Variants in C8A observed in about 807,000 individuals in gnomAD.
C8A encodes complement component C8 alpha chain.
In C8A, 67 loss-of-function variants were observed where a neutral mutation model predicts 65.3. The ratio of observed to expected loss-of-function variants is 1.03; its 90% CI spans 0.84 to 1.26. The LOEUF is 1.26. Ranked by LOEUF, C8A falls within the 50% of genes most tolerant of loss-of-function variation. The pLI is 0.00. For missense variants in C8A, 781 were observed against 723.9 expected (o/e 1.08, Z -0.90); for synonymous variants, 290 against 259.4 (o/e 1.12, Z -1.13).
Position 56,876,094 on chromosome 1 carries a change from G to C in C8A, c.349G>C (p.Gly117Arg). The change falls in exon 4 of 11, where the codon GGA (glycine) becomes CGA (arginine). Residue 117 changes from glycine to arginine, a missense_variant. Gly to Arg is a moderately radical substitution (Grantham distance 125). Transcript: ENST00000361249. Reference sequence around the variant, plus strand: ...CCTGAAACGCCACCTTGTGTGTAATGGAGACCAGGACTGCCTTGATGGCTC... The same window carrying C: ...CCTGAAACGCCACCTTGTGTGTAATCGAGACCAGGACTGCCTTGATGGCTC... ...RCLKRHLVCNGDQDCLDGSDE... is the reference protein window; with the variant it reads ...RCLKRHLVCNRDQDCLDGSDE... 1 of 1,613,788 alleles carries C rather than the reference G, an allele frequency of 6.2e-7. No homozygotes were observed.
intron 2 of C8A, among the ~76,000 whole-genome samples, chr1:56,870,725 T>C (rs569352213): frequency 6.6e-6 from 1 of 152,274 alleles, no homozygotes; most frequent in South Asian, 2.1e-4. Flanking sequence ...CACAAGACAA[T>C]GACTTGCAGT....
chr1:56,872,536 AG>A (rs1210655769), intron 2 of C8A, among the ~76,000 whole-genome samples: 1 of 152,182 alleles, frequency 6.6e-6, no homozygotes, highest in Non-Finnish European at 1.5e-5. Flanking sequence ...TCAAACCTTT[AG>A]GGTATGAATT....
In C8A at chr1:56,887,848, C is replaced by T. The variant is rs113748729; in HGVS notation, c.1096+1681C>T. The stretch of plus-strand genomic sequence containing the variant: ...GTCCTTTGCAGGGACATGGGTGAAA[C>T]TGGAAACCATCATTCTCAGCAAACT... On this transcript the variant is annotated intron_variant, in intron 7 of 10. Coordinates refer to ENST00000361249, the MANE Select transcript of C8A (RefSeq NM_000562.3). 5.2e-3 allele frequency among the ~76,000 whole-genome samples: 786 copies of T among 152,208 alleles called. 13 individuals carry two copies. The highest frequency in any genetic ancestry group is 0.018 in the African/African-American group (741 of 41,522).
intron 1 of C8A, among the ~76,000 whole-genome samples, chr1:56,866,767 G>C (rs944342494): frequency 6.6e-6 from 1 of 152,184 alleles, no homozygotes; most frequent in Admixed American, 6.5e-5. Context: ...CTTGCGGCTT[G>C]TCTCTCTTTC....
intron 1 of C8A, among the ~76,000 whole-genome samples, chr1:56,862,197 A>G (rs58059913): frequency 0.02 from 2,993 of 152,296 alleles, 124 homozygotes; most frequent in African/African-American, 0.069. Context: ...ATCTCACCCC[A>G]TATTCAAAAT....
chr1:56,905,353 G>T (rs1173799542), intron 7 of C8A, among the ~76,000 whole-genome samples: 2 of 152,206 alleles, frequency 1.3e-5, no homozygotes, highest in Non-Finnish European at 2.9e-5. Flanking sequence ...CATACAGGGT[G>T]TTAGTGACTG....
intron 1 of C8A, among the ~76,000 whole-genome samples, chr1:56,862,225 T>C (rs1038087673): frequency 2.6e-5 from 4 of 152,194 alleles, no homozygotes; most frequent in African/African-American, 9.7e-5. Flanking sequence ...CAAACGATTT[T>C]CCCTGTTTTA....
chr1:56,900,846 CT>C (rs1644421505), intron 7 of C8A, among the ~76,000 whole-genome samples: 2 of 152,068 alleles, frequency 1.3e-5, no homozygotes, highest in African/African-American at 4.8e-5. Context: ...AGCTTGTAGT[CT>C]TATAGGAAGA....
At chr1:56,857,106 A>G (rs148823214) in intron 1 of C8A, among the ~76,000 whole-genome samples, 26 of 152,186 alleles carry the variant, frequency 1.7e-4, no homozygotes, top group Middle Eastern at 6.8e-3. Flanking sequence ...CATATGCTCA[A>G]AAAAGTGCAT....
chr1:56,867,958 T>G (rs1231387343), intron 2 of C8A, among the ~76,000 whole-genome samples: 1 of 152,158 alleles, frequency 6.6e-6, no homozygotes, highest in Non-Finnish European at 1.5e-5. Flanking sequence ...TATCTGTACA[T>G]GGGCACGTTT....
chr1:56,889,429 A>G (rs1644327371), intron 7 of C8A, among the ~76,000 whole-genome samples: 1 of 152,176 alleles, frequency 6.6e-6, no homozygotes, highest in Non-Finnish European at 1.5e-5. Context: ...TTTTGCCATT[A>G]AAAACCACAA....
At chr1:56,893,064 G>A (rs552626423) in intron 7 of C8A, among the ~76,000 whole-genome samples, 3 of 152,154 alleles carry the variant, frequency 2.0e-5, no homozygotes, top group Non-Finnish European at 4.4e-5. Context: ...AAGATGGCAG[G>A]CAGTGTGATA....
At chr1:56,855,096 G>A (rs1643960469) in intron 1 of C8A, 118 bp downstream of exon 1, 1 of 804,384 alleles carries the variant, frequency 1.2e-6, no homozygotes, top group South Asian at 1.4e-5. Context: ...CTCTTTTCAT[G>A]TTATTACTAC....
At chr1:56,881,050 T>A (rs1431369246) in intron 4 of C8A, among the ~76,000 whole-genome samples, 1 of 152,206 alleles carries the variant, frequency 6.6e-6, no homozygotes, top group Non-Finnish European at 1.5e-5. Context: ...TAAATAGGAC[T>A]GTCTAGATGA....
At chr1:56,894,769 T>C (rs544396803) in intron 7 of C8A, among the ~76,000 whole-genome samples, 1 of 152,120 alleles carries the variant, frequency 6.6e-6, no homozygotes, top group South Asian at 2.1e-4. Flanking sequence ...ACTGTCTAGA[T>C]ACCAAGATGC....
chr1:56,855,617 T>A (rs566477544), intron 1 of C8A, among the ~76,000 whole-genome samples: 11 of 139,158 alleles, frequency 7.9e-5, no homozygotes, highest in Admixed American at 2.2e-4. Context: ...TTCTTGAGAT[T>A]TCCAAGCTTG....
Position 56,859,159 on chromosome 1 carries a change from T to C in C8A, c.77+4181T>C, listed in dbSNP as rs1644006104. Among the ~76,000 whole-genome samples, 4 of 152,366 alleles carry C rather than the reference T, an allele frequency of 2.6e-5. No individual in the cohort carries two copies. In the South Asian group the frequency reaches 8.3e-4, roughly 32 times the overall value. ...AATTCTGGCCTTGCCACTTTCTACC[T>C]ACATAACCTTAAGCAAGTTATTTCA... On this transcript the variant is annotated intron_variant, in intron 1 of 10. Coordinates refer to ENST00000361249, the MANE Select transcript of C8A (RefSeq NM_000562.3).
intron 7 of C8A, among the ~76,000 whole-genome samples, chr1:56,905,267 G>T (rs1644454832): frequency 6.6e-6 from 1 of 152,126 alleles, no homozygotes. Flanking sequence ...GCTGAAAGGG[G>T]TCTTGGAGAT....
chr1:56,904,703 G>A (rs1644450981), intron 7 of C8A, among the ~76,000 whole-genome samples: 1 of 152,160 alleles, frequency 6.6e-6, no homozygotes, highest in Non-Finnish European at 1.5e-5. Context: ...AGCTATAAAT[G>A]AAAAGTATGA....
Sources: gnomAD v4.1 joint callset for allele counts (sites outside exome capture counted in the v4.1 genomes callset) on GRCh38, gnomAD v4.1.1 for gene constraint, MANE v1.5 for transcripts, NCBI Gene and HGNC (gene_info 2026-07-23, HGNC 2026-07-21) for gene names.